The following ZNG1B variants were observed in gnomAD, a reference collection of about 807,000 sequenced individuals.
The protein encoded by ZNG1B is zinc-regulated GTPase metalloprotein activator 1B.
the ZNG1B span, among the ~76,000 whole-genome samples, chr2:113,476,669 A>G: frequency 6.7e-6 from 1 of 150,014 alleles, no homozygotes; most frequent in Non-Finnish European, 1.5e-5. Context: ...TTGGTCTTTG[A>G]TGATGGTGAT....
the ZNG1B span, among the ~76,000 whole-genome samples, chr2:113,478,211 G>A: frequency 1.3e-4 from 20 of 152,210 alleles, no homozygotes; most frequent in East Asian, 3.7e-3. Context: ...TTGCTTAAGG[G>A]TAGGCATAGT....
At chr2:113,477,402 A>T in the ZNG1B span, among the ~76,000 whole-genome samples, 1 of 152,042 alleles carries the variant, frequency 6.6e-6, no homozygotes, top group East Asian at 1.9e-4. Flanking sequence ...GCACCCACTG[A>T]CCTGCGCCCA....
At chr2:113,473,858 G>A in the ZNG1B span, among the ~76,000 whole-genome samples, 4 of 141,772 alleles carry the variant, frequency 2.8e-5, no homozygotes, top group African/African-American at 1.1e-4. Context: ...TGGTGGATAA[G>A]CTTTTTGATG....
At chr2:113,465,404 TGTAA>T in the ZNG1B span, among the ~76,000 whole-genome samples, 16 of 152,162 alleles carry the variant, frequency 1.1e-4, no homozygotes, top group African/African-American at 3.4e-4. Flanking sequence ...GATAACACTG[TGTAA>T]GTGTTTGCTT....
the ZNG1B span, among the ~76,000 whole-genome samples, chr2:113,478,856 G>A: frequency 6.6e-6 from 1 of 150,994 alleles, no homozygotes; most frequent in Non-Finnish European, 1.5e-5. Context: ...CAGAAGTGTG[G>A]GACAGGCAGG....
the ZNG1B span, chr2:113,462,281 GAT>G: frequency 1.0e-6 from 1 of 980,996 alleles, no homozygotes; most frequent in Non-Finnish European, 1.5e-6. Context: ...ATTCTTAACT[GAT>G]ATATTGATCT....
the ZNG1B span, among the ~76,000 whole-genome samples, chr2:113,478,067 G>A: frequency 1.5e-3 from 221 of 147,368 alleles, no homozygotes; most frequent in African/African-American, 5.8e-3. Flanking sequence ...TTCTGTTAGT[G>A]GACATTTAAC....
chr2:113,467,073 A>AAC, the ZNG1B span, among the ~76,000 whole-genome samples: 1,517 of 149,924 alleles, frequency 0.01, 79 homozygotes, highest in African/African-American at 0.035. Flanking sequence ...CAAAAAAAAA[A>AAC]AAAAACAAAC....
At chr2:113,476,224 C>T in the ZNG1B span, among the ~76,000 whole-genome samples, 6 of 152,232 alleles carry the variant, frequency 3.9e-5, no homozygotes, top group South Asian at 1.2e-3. Flanking sequence ...TCCCTTCTTG[C>T]TTCATTTCAT....
chr2:113,442,665 T>G, the ZNG1B span, among the ~76,000 whole-genome samples: 1 of 152,180 alleles, frequency 6.6e-6, no homozygotes, highest in Non-Finnish European at 1.5e-5. Flanking sequence ...CACAGCATTC[T>G]CAATACTTTT....
At chr2:113,491,385 G>A in the ZNG1B span, among the ~76,000 whole-genome samples, 5 of 118,242 alleles carry the variant, frequency 4.2e-5, no homozygotes, top group East Asian at 9.9e-4. Flanking sequence ...AAACAAAAAC[G>A]TAAAGTGGAA....
chr2:113,477,589 T>TG, the ZNG1B span, among the ~76,000 whole-genome samples: 1 of 152,236 alleles, frequency 6.6e-6, no homozygotes, highest in Admixed American at 6.5e-5. Context: ...CCTTCTCCTG[T>TG]GGGGAATCTT....
At chr2:113,446,941 A>T in the ZNG1B span, among the ~76,000 whole-genome samples, 2 of 151,228 alleles carry the variant, frequency 1.3e-5, no homozygotes, top group African/African-American at 4.9e-5. Flanking sequence ...TTCTTGACCA[A>T]CCCAGATCTA....
chr2:113,438,290 C>G, the ZNG1B span, among the ~76,000 whole-genome samples: 2 of 152,170 alleles, frequency 1.3e-5, no homozygotes, highest in African/African-American at 4.8e-5. Flanking sequence ...AGACACGCCC[C>G]CCTGATTGTC....
At chr2:113,442,550 G>A in the ZNG1B span, among the ~76,000 whole-genome samples, 1 of 151,942 alleles carries the variant, frequency 6.6e-6, no homozygotes, top group African/African-American at 2.4e-5. Context: ...TCTAATAACA[G>A]ACTGTTTTTT....
At chr2:113,443,647 GAA>G in the ZNG1B span, 4 of 900,208 alleles carry the variant, frequency 4.4e-6, no homozygotes, top group African/African-American at 6.9e-5. Context: ...TAAAATGAAA[GAA>G]TATAAGTTAT....
chr2:113,487,905 A>G, the ZNG1B span, among the ~76,000 whole-genome samples: 1 of 151,902 alleles, frequency 6.6e-6, no homozygotes, highest in Admixed American at 6.6e-5. Context: ...CAAGCAAGAA[A>G]GCACTTTTCT....
chr2:113,470,686 A>G, the ZNG1B span: 1 of 293,182 alleles, frequency 3.4e-6, no homozygotes, highest in Non-Finnish European at 6.5e-6. Flanking sequence ...GAATGTACCT[A>G]TTTGTTAATT....
chr2:113,479,852 G>T, the ZNG1B span, among the ~76,000 whole-genome samples: 1 of 150,140 alleles, frequency 6.7e-6, no homozygotes, highest in South Asian at 2.1e-4. Flanking sequence ...GACAGGGTCT[G>T]GGTCTATTGC....
Sources: gnomAD v4.1 joint callset for allele counts (sites outside exome capture counted in the v4.1 genomes callset) on GRCh38, gnomAD v4.1.1 for gene constraint, MANE v1.5 for transcripts, NCBI Gene and HGNC (gene_info 2026-07-23, HGNC 2026-07-21) for gene names.